Variants in RHOJ observed in about 807,000 individuals in gnomAD.
RHOJ encodes the protein ras homolog family member J, also known as rho-related GTP-binding protein RhoJ.
In RHOJ, 11 loss-of-function variants were observed where a neutral mutation model predicts 23.4. The observed-to-expected ratio is 0.47, with a 90% CI of 0.30 to 0.78. The LOEUF is 0.78. Ranked by LOEUF, RHOJ falls within the 30% of genes least tolerant of loss-of-function variation. RHOJ has a pLI of 0.08. For synonymous variants in RHOJ, 102 were observed against 102.7 expected (o/e 0.99, Z 0.04); for missense variants, 254 against 273.4 (o/e 0.93, Z 0.50).
chr14:63,229,442 G>T (rs1179097872), intron 1 of RHOJ, among the ~76,000 whole-genome samples: 2 of 152,148 alleles, frequency 1.3e-5, no homozygotes, highest in Non-Finnish European at 2.9e-5. Context: ...TGGTGGCCAG[G>T]CTGGTCTTAT....
intron 2 of RHOJ, among the ~76,000 whole-genome samples, chr14:63,271,319 A>G (rs1158236405): frequency 6.6e-6 from 1 of 152,250 alleles, no homozygotes; most frequent in Non-Finnish European, 1.5e-5. Flanking sequence ...TATAATCTCA[A>G]GAAATCCTGA....
At chr14:63,281,785 A>G (rs549194724) in intron 3 of RHOJ, among the ~76,000 whole-genome samples, 137 of 152,244 alleles carry the variant, frequency 9.0e-4, no homozygotes, top group Non-Finnish European at 1.6e-3. Context: ...AAATGTATTA[A>G]GGATTGTTAC....
intron 1 of RHOJ, among the ~76,000 whole-genome samples, chr14:63,268,665 A>G (rs976363107): frequency 1.3e-5 from 2 of 152,210 alleles, no homozygotes; most frequent in African/African-American, 4.8e-5. Flanking sequence ...GGTTTTATAA[A>G]TATTTCAAAG....
intron 2 of RHOJ, among the ~76,000 whole-genome samples, chr14:63,278,975 G>A (rs1046543912): frequency 6.6e-6 from 1 of 152,206 alleles, no homozygotes; most frequent in Admixed American, 6.5e-5. Context: ...AATAGATTGA[G>A]ACTCCATCTC....
rs376748060 is a variant in RHOJ at position 63,244,364 on chromosome 14, C to T, written c.179-24746C>T. ...GGCAGATCACCTGAGGTCAAGAGTT[C>T]GAGACCAGCCTGACCAACATGGAGA... On this transcript the variant is annotated intron_variant, in intron 1 of 4. Coordinates refer to ENST00000316754, the MANE Select transcript of RHOJ (RefSeq NM_020663.5). Among the ~76,000 whole-genome samples the T allele has an allele frequency of 8.0e-5, 12 of 150,194 alleles. No homozygotes were observed. The East Asian group carries it at 1.4e-3, about 17-fold the overall frequency.
intron 1 of RHOJ, among the ~76,000 whole-genome samples, chr14:63,231,373 T>C (rs890684997): frequency 6.6e-6 from 1 of 152,204 alleles, no homozygotes; most frequent in Non-Finnish European, 1.5e-5. Context: ...ACTACCTTGC[T>C]GGGTGATGTT....
rs1566621848 is a variant in RHOJ, at chr14:63,258,452, AT to A, written c.179-10657del. On this transcript the variant is annotated intron_variant, in intron 1 of 4. Coordinates refer to ENST00000316754, the MANE Select transcript of RHOJ (RefSeq NM_020663.5). ...AATAACCCCTTGAACTGTTTAAAAT[AT>A]ATATATATATATAGTATTATAAATG... Among the ~76,000 whole-genome samples the A allele has an allele frequency of 2.9e-4, 24 of 82,656 alleles. No individual in the cohort carries two copies. In the African/African-American group the frequency reaches 4.7e-3, roughly 16 times the overall value. The allele number at this position is 82,656 out of a possible 152,430, so 54.2% of individuals were successfully genotyped here.
At chr14:63,265,830 G>T (rs1473387035) in intron 1 of RHOJ, among the ~76,000 whole-genome samples, 1 of 152,208 alleles carries the variant, frequency 6.6e-6, no homozygotes, top group Non-Finnish European at 1.5e-5. Context: ...AACATTTCCT[G>T]ACTGGCAATT....
intron 2 of RHOJ, among the ~76,000 whole-genome samples, chr14:63,280,618 T>C (rs1489993694): frequency 1.3e-5 from 2 of 152,164 alleles, no homozygotes; most frequent in Non-Finnish European, 2.9e-5. Context: ...TATATGTATA[T>C]CAAACACCAT....
At chr14:63,242,333 GA>G (rs1894896827) in intron 1 of RHOJ, among the ~76,000 whole-genome samples, 1 of 152,166 alleles carries the variant, frequency 6.6e-6, no homozygotes, top group Non-Finnish European at 1.5e-5. Flanking sequence ...GAGGAGGCAG[GA>G]GAATGACTTA....
At chr14:63,255,326 T>C (rs2139644298) in intron 1 of RHOJ, among the ~76,000 whole-genome samples, 1 of 152,278 alleles carries the variant, frequency 6.6e-6, no homozygotes, top group East Asian at 1.9e-4. Context: ...CAGTTGCCTC[T>C]CTGCATTTCC....
chr14:63,220,298 C>G (rs1894461253), intron 1 of RHOJ, among the ~76,000 whole-genome samples: 1 of 151,932 alleles, frequency 6.6e-6, no homozygotes, highest in Admixed American at 6.6e-5. Flanking sequence ...CAGTGATCCT[C>G]CTCTATTATT....
At chr14:63,233,371 C>T (rs1321725949) in intron 1 of RHOJ, among the ~76,000 whole-genome samples, 1 of 152,084 alleles carries the variant, frequency 6.6e-6, no homozygotes, top group Non-Finnish European at 1.5e-5. Context: ...GGTGGTTGCA[C>T]AACTCTGTGA....
chr14:63,228,668 C>T (rs1387022234), intron 1 of RHOJ, among the ~76,000 whole-genome samples: 2 of 151,042 alleles, frequency 1.3e-5, no homozygotes, highest in African/African-American at 4.9e-5. Flanking sequence ...AACACAATTG[C>T]AATGCACACA....
intron 1 of RHOJ, among the ~76,000 whole-genome samples, chr14:63,220,710 G>A (rs1358125684): frequency 2.6e-5 from 4 of 152,120 alleles, no homozygotes; most frequent in Non-Finnish European, 4.4e-5. Flanking sequence ...TTTATATGCG[G>A]TTCCTCAAGT....
At chr14:63,254,345 C>G (rs57230123) in intron 1 of RHOJ, among the ~76,000 whole-genome samples, 92 of 152,242 alleles carry the variant, frequency 6.0e-4, no homozygotes, top group Middle Eastern at 3.4e-3. Flanking sequence ...CTACAAGACT[C>G]CACAACTCAC....
intron 1 of RHOJ, among the ~76,000 whole-genome samples, chr14:63,230,044 G>A (rs1894662228): frequency 6.6e-6 from 1 of 152,106 alleles, no homozygotes; most frequent in Admixed American, 6.5e-5. Context: ...ACACCAGCTG[G>A]TGTGTCTAAA....
At chr14:63,252,896 A>C (rs1330947016) in intron 1 of RHOJ, among the ~76,000 whole-genome samples, 1 of 152,142 alleles carries the variant, frequency 6.6e-6, no homozygotes, top group Non-Finnish European at 1.5e-5. Flanking sequence ...TACAGGCATG[A>C]GCCTCCACAC....
In RHOJ at chr14:63,218,286, G is replaced by A. The variant is rs560896071; in HGVS notation, c.178+13239G>A. On this transcript the variant is annotated intron_variant, in intron 1 of 4. Coordinates refer to ENST00000316754, the MANE Select transcript of RHOJ (RefSeq NM_020663.5). ...TATTCACAGCTCTGTCTCTAAATGG[G>A]TCTGGTTTAGAAGCCCTTTTATGGA... 1.9e-4 allele frequency among the ~76,000 whole-genome samples: 29 copies of A among 152,236 alleles called. No individual in the cohort carries two copies. In the South Asian group the frequency reaches 3.7e-3, roughly 20 times the overall value.
Sources: gnomAD v4.1 joint callset for allele counts (sites outside exome capture counted in the v4.1 genomes callset) on GRCh38, gnomAD v4.1.1 for gene constraint, MANE v1.5 for transcripts, NCBI Gene and HGNC (gene_info 2026-07-23, HGNC 2026-07-21) for gene names.